The following MAGI3 variants were observed in gnomAD, a reference collection of about 807,000 sequenced individuals.
MAGI3 encodes membrane associated guanylate kinase, WW and PDZ domain containing 3.
In MAGI3, 43 loss-of-function variants were observed where a neutral mutation model predicts 121.8. That is an observed-to-expected ratio of 0.35 (90% CI 0.28 to 0.46). The LOEUF (loss-of-function observed/expected upper bound fraction) is 0.46, where lower values mean the gene tolerates loss of function less well. MAGI3 is among the 20% of genes least tolerant of loss of function. The pLI, the probability that MAGI3 is intolerant of heterozygous loss-of-function variation, is 1.00. For synonymous variants in MAGI3, 553 were observed against 639.3 expected (o/e 0.86, Z 2.04); for missense variants, 1,547 against 1,797.3 (o/e 0.86, Z 2.52).
intron 1 of MAGI3, among the ~76,000 whole-genome samples, chr1:113,514,052 A>G (rs1049105903): frequency 4.6e-5 from 7 of 152,080 alleles, no homozygotes; most frequent in African/African-American, 1.7e-4. Context: ...CATCAGAGAA[A>G]TGCAAATCAA....
intron 1 of MAGI3, among the ~76,000 whole-genome samples, chr1:113,463,334 C>T (rs905904510): frequency 1.3e-5 from 2 of 150,342 alleles, no homozygotes; most frequent in Non-Finnish European, 3.0e-5. Flanking sequence ...AGAAGAGGGC[C>T]AAGAATAGAG....
intron 6 of MAGI3, among the ~76,000 whole-genome samples, chr1:113,597,369 G>T (rs1217225): frequency 6.6e-6 from 1 of 151,970 alleles, no homozygotes; most frequent in African/African-American, 2.4e-5. Context: ...TTATGAAGAC[G>T]TTTTAAAACT....
chr1:113,635,328 T>G (rs930756233), intron 9 of MAGI3, among the ~76,000 whole-genome samples: 5 of 152,274 alleles, frequency 3.3e-5, no homozygotes, highest in Non-Finnish European at 7.4e-5. Context: ...ATGCTTCCAG[T>G]TTTTGCCCAT....
At chr1:113,521,368 G>A (rs1412019699) in intron 1 of MAGI3, among the ~76,000 whole-genome samples, 10 of 150,900 alleles carry the variant, frequency 6.6e-5, no homozygotes, top group African/African-American at 2.4e-4. Flanking sequence ...TTACAGGTGT[G>A]AGCCACCACG....
At chr1:113,634,746 G>C (rs1651895305) in intron 9 of MAGI3, among the ~76,000 whole-genome samples, 1 of 152,132 alleles carries the variant, frequency 6.6e-6, no homozygotes, top group African/African-American at 2.4e-5. Context: ...GAACTTTAAA[G>C]TAGTTTTTTC....
intron 1 of MAGI3, among the ~76,000 whole-genome samples, chr1:113,444,378 AG>A (rs1654065242): frequency 6.6e-6 from 1 of 152,178 alleles, no homozygotes; most frequent in African/African-American, 2.4e-5. Flanking sequence ...GGGGATTTAA[AG>A]GGTTAGCACC....
chr1:113,614,512 AG>A (rs1650340715), intron 6 of MAGI3, 88 bp from the exon 7 acceptor site: 1 of 980,278 alleles, frequency 1.0e-6, no homozygotes, highest in Non-Finnish European at 1.6e-6. Flanking sequence ...CCCAAATATT[AG>A]TATAATGAAA....
chr1:113,679,741 C>T (rs1484088539), intron 19 of MAGI3, among the ~76,000 whole-genome samples: 4 of 148,158 alleles, frequency 2.7e-5, no homozygotes, highest in Non-Finnish European at 5.9e-5. Context: ...GAGTTTCGCT[C>T]GCTGCCCAGA....
chr1:113,673,605 G>C, intron 19 of MAGI3, 140 bp downstream of exon 19: 1 of 893,736 alleles, frequency 1.1e-6, no homozygotes, highest in Non-Finnish European at 1.7e-6. Context: ...AGCTAAAAAA[G>C]GCAAATGCTT....
At chr1:113,676,659 T>C (rs1227330188) in intron 19 of MAGI3, among the ~76,000 whole-genome samples, 2 of 152,114 alleles carry the variant, frequency 1.3e-5, no homozygotes, top group Admixed American at 6.5e-5. Context: ...TAAAATGTTA[T>C]TGATGACAAC....
chr1:113,682,220 C>G (rs1191974129), intron 20 of MAGI3: 8 of 1,605,984 alleles, frequency 5.0e-6, no homozygotes, highest in Non-Finnish European at 6.8e-6. Flanking sequence ...AGGTTTGGCT[C>G]CTTCCGGTCT....
At chr1:113,580,712 G>C in intron 3 of MAGI3, 51 bp downstream of exon 3, 3 of 1,483,868 alleles carry the variant, frequency 2.0e-6, no homozygotes, top group Non-Finnish European at 2.7e-6. Flanking sequence ...CTGAACGACT[G>C]GAATTATTTC....
chr1:113,403,799 C>T (rs1651533238), intron 1 of MAGI3: 1 of 152,182 alleles, frequency 6.6e-6, no homozygotes, highest in Admixed American at 6.5e-5. Flanking sequence ...ATCAGATTTG[C>T]ATCCAGAATA....
rs571912764 is a variant in MAGI3, at chr1:113,574,659, G to A, written c.434-5883G>A. ...CAACCTTAGAGAATCTGACGATCAT[G>A]TGTCTTGTGATTGCTTTTCCCAAGG... On this transcript the variant is annotated intron_variant, in intron 2 of 20. Transcript: ENST00000307546. Among the ~76,000 whole-genome samples, 397 of 152,260 alleles carry A rather than the reference G, an allele frequency of 2.6e-3. 1 individual carries two copies. Among genetic ancestry groups the A allele is most frequent in the African/African-American group, 8.3e-3 (343 of 41,566 alleles).
chr1:113,667,566 C>A (rs763388745), intron 16 of MAGI3, among the ~76,000 whole-genome samples: 3 of 152,226 alleles, frequency 2.0e-5, no homozygotes, highest in Non-Finnish European at 4.4e-5. Flanking sequence ...AAACTTTCTC[C>A]ATATCCAGCA....
chr1:113,419,575 A>G (rs1452793249), intron 1 of MAGI3, among the ~76,000 whole-genome samples: 1 of 152,138 alleles, frequency 6.6e-6, no homozygotes, highest in African/African-American at 2.4e-5. Context: ...GTGCAGGGCT[A>G]GGAGGAAGAG....
chr1:113,547,621 TAATG>T (rs1659597657), intron 1 of MAGI3, among the ~76,000 whole-genome samples: 2 of 152,204 alleles, frequency 1.3e-5, no homozygotes, highest in Admixed American at 1.3e-4. Context: ...TAAAAATACT[TAATG>T]AATTCATTAT....
chr1:113,469,914 G>T (rs780739575), intron 1 of MAGI3, among the ~76,000 whole-genome samples: 3 of 152,062 alleles, frequency 2.0e-5, no homozygotes, highest in Non-Finnish European at 4.4e-5. Flanking sequence ...GAGGGTATAA[G>T]GTTCAAAGGA....
chr1:113,670,662 G>T (rs1415846846), intron 16 of MAGI3, among the ~76,000 whole-genome samples: 1 of 152,170 alleles, frequency 6.6e-6, no homozygotes. Flanking sequence ...TGAAAATGAT[G>T]ATAGTTATAA....
Sources: allele counts gnomAD v4.1 joint callset (sites outside exome capture counted in the v4.1 genomes callset), GRCh38; gene constraint gnomAD v4.1.1; transcripts MANE v1.5; gene names NCBI Gene and HGNC (gene_info 2026-07-23, HGNC 2026-07-21).